The following ANKRD30B variants were observed in gnomAD, a reference collection of about 807,000 sequenced individuals.
ANKRD30B encodes ankyrin repeat domain 30B.
In ANKRD30B, 144 loss-of-function variants were observed where a neutral mutation model predicts 202.2. That is an observed-to-expected ratio of 0.71 (90% CI 0.62 to 0.82). ANKRD30B has a LOEUF of 0.82. Among genes scored for constraint, ANKRD30B ranks in the 40% least tolerant of loss-of-function variants. The probability of loss-of-function intolerance (pLI) is 0.00; values close to 1 mark genes in which losing one functional copy is unlikely to be tolerated. For missense variants in ANKRD30B, 1,487 were observed against 1,669.1 expected, an observed-to-expected ratio of 0.89 and a Z score of 1.90; for synonymous variants, 508 against 561.3, an observed-to-expected ratio of 0.91 and a Z score of 1.34.
At chr18:14,810,242 A>G in intron 28 of ANKRD30B, 62 bp downstream of exon 28, 2 of 1,049,424 alleles carry the variant, frequency 1.9e-6, no homozygotes, top group Non-Finnish European at 2.7e-6. Context: ...TGAAATGCTG[A>G]GAGCCTTTTA....
intron 9 of ANKRD30B, among the ~76,000 whole-genome samples, chr18:14,774,597 C>G (rs1967232566): frequency 6.6e-6 from 1 of 151,986 alleles, no homozygotes; most frequent in South Asian, 2.1e-4. Flanking sequence ...TAGCTTTTTG[C>G]CGTTCAGAAT....
chr18:14,799,237 G>C lies in ANKRD30B; in HGVS notation c.2073G>C (p.Arg691Ser), dbSNP rs1478541719. 6.4e-7 allele frequency: 1 copy of C among 1,566,010 alleles called. No homozygotes were observed. Among genetic ancestry groups the C allele is most frequent in the Non-Finnish European group, 8.6e-7 (1 of 1,157,700 alleles). ...NDGLLKPTCGRKVSLPNKALE... is the reference protein window; with the variant it reads ...NDGLLKPTCGSKVSLPNKALE... ...AACCCATTTAGCCTACCTGTGGAAG[G>C]AAAGTTTCTCTTCCAAATAAAGCTT... is the stretch of plus-strand genomic sequence containing the variant. Residue 691 changes from arginine to serine, a missense_variant, in exon 22 of 44, where the codon AGG becomes AGC. Transcript: ENST00000690538.
chr18:14,831,632 GT>G, intron 34 of ANKRD30B, among the ~76,000 whole-genome samples, 177 bp downstream of exon 34: 1 of 148,770 alleles, frequency 6.7e-6, no homozygotes, highest in East Asian at 2.0e-4. Flanking sequence ...TTTTTTTTTT[GT>G]TTTTTTGTTT....
chr18:14,752,382 C>G (rs1395319036), intron 1 of ANKRD30B, among the ~76,000 whole-genome samples, 184 bp from the exon 2 acceptor site: 3 of 152,102 alleles, frequency 2.0e-5, no homozygotes, highest in Non-Finnish European at 4.4e-5. Flanking sequence ...TTCAAACAGG[C>G]CACTCTTTCA....
At chr18:14,847,093 T>TATATATATAG (rs1292553217) in intron 39 of ANKRD30B, among the ~76,000 whole-genome samples, 6 of 131,414 alleles carry the variant, frequency 4.6e-5, no homozygotes, top group African/African-American at 1.4e-4. Context: ...TATATATATA[T>TATATATATAG]GTATAATGTT....
At chr18:14,866,965 C>G in the ANKRD30B span, among the ~76,000 whole-genome samples, 1 of 55,028 alleles carries the variant, frequency 1.8e-5, no homozygotes, top group Non-Finnish European at 3.9e-5. Flanking sequence ...ACAATGCCAA[C>G]TGGCAGGCAG....
the ANKRD30B span, among the ~76,000 whole-genome samples, chr18:14,902,428 C>A: frequency 6.6e-6 from 1 of 152,136 alleles, no homozygotes; most frequent in South Asian, 2.1e-4. Flanking sequence ...TCTTAAGAGG[C>A]TTTTAAAGAT....
intron 15 of ANKRD30B, among the ~76,000 whole-genome samples, chr18:14,790,386 T>A (rs1968402918): frequency 6.6e-6 from 1 of 152,180 alleles, no homozygotes; most frequent in Non-Finnish European, 1.5e-5. Flanking sequence ...TTTATTTCCT[T>A]CTCCTGCCTA....
intron 7 of ANKRD30B, among the ~76,000 whole-genome samples, chr18:14,765,117 T>C (rs1337347821): frequency 6.6e-6 from 1 of 152,046 alleles, no homozygotes; most frequent in Non-Finnish European, 1.5e-5. Context: ...ATTCTGGTCG[T>C]GGTATAAGGC....
chr18:14,787,746 T>C (rs1250084752), intron 15 of ANKRD30B, among the ~76,000 whole-genome samples: 2 of 152,154 alleles, frequency 1.3e-5, no homozygotes, highest in African/African-American at 4.8e-5. Context: ...AGCATGAGCG[T>C]GAAATAATAG....
At chr18:14,892,469 T>C in the ANKRD30B span, among the ~76,000 whole-genome samples, 1 of 152,156 alleles carries the variant, frequency 6.6e-6, no homozygotes, top group Non-Finnish European at 1.5e-5. Flanking sequence ...CTGGATGTGG[T>C]AGCTCACACC....
chr18:14,849,640 A>AC (rs1971801472), intron 40 of ANKRD30B, among the ~76,000 whole-genome samples: 1 of 151,696 alleles, frequency 6.6e-6, no homozygotes, highest in African/African-American at 2.4e-5. Context: ...ATTTGTTGAA[A>AC]AATATATAAT....
chr18:14,777,573 G>A (rs1967441474), intron 9 of ANKRD30B, among the ~76,000 whole-genome samples: 1 of 151,732 alleles, frequency 6.6e-6, no homozygotes, highest in Admixed American at 6.6e-5. Context: ...TAGAATTACT[G>A]GCATGAACCA....
At chr18:14,828,839 C>A (rs1970779009) in intron 33 of ANKRD30B, among the ~76,000 whole-genome samples, 2 of 152,122 alleles carry the variant, frequency 1.3e-5, no homozygotes, top group Admixed American at 1.3e-4. Flanking sequence ...TAGCTGTGGC[C>A]ACAAGACATA....
At chr18:14,771,618 G>A (rs1796088104) in intron 8 of ANKRD30B, among the ~76,000 whole-genome samples, 2 of 152,252 alleles carry the variant, frequency 1.3e-5, no homozygotes, top group Non-Finnish European at 1.5e-5. Context: ...CAGGGTGAAG[G>A]GAAGCAACAG....
chr18:14,777,921 A>G, intron 9 of ANKRD30B, 64 bp from the exon 10 acceptor site: 120 of 1,063,160 alleles, frequency 1.1e-4, no homozygotes, highest in Non-Finnish European at 1.6e-4. Flanking sequence ...ACCCTGTGAG[A>G]CTTCATCTCA....
At chr18:14,870,893 C>T in the ANKRD30B span, among the ~76,000 whole-genome samples, 1 of 152,034 alleles carries the variant, frequency 6.6e-6, no homozygotes, top group African/African-American at 2.4e-5. Context: ...AAACCTGCAG[C>T]CAGGCCATGT....
intron 24 of ANKRD30B, among the ~76,000 whole-genome samples, chr18:14,804,842 G>C (rs1271925370): frequency 6.6e-6 from 1 of 150,926 alleles, no homozygotes; most frequent in Non-Finnish European, 1.5e-5. Flanking sequence ...AAAGAAGAGA[G>C]ATTATGAGGC....
Position 14,763,919 on chromosome 18 carries a change from T to C in ANKRD30B, c.1054T>C (p.Trp352Arg). 6.2e-7 allele frequency: 1 copy of C among 1,610,958 alleles called. No homozygotes were observed. Among genetic ancestry groups the C allele is most frequent in the African/African-American group, 1.3e-5 (1 of 74,830 alleles). The change falls in exon 7 of 44, where the codon TGG (tryptophan) becomes CGG (arginine). Residue 352 changes from tryptophan (W) to arginine (R), a missense_variant. Coordinates refer to ENST00000690538, the MANE Select transcript of ANKRD30B (RefSeq NM_001367607.2). ...PTKETSEKFS[W>R]PAKERSRKIT... is the part of the protein sequence containing the mutation. ...AAAAGAAACATCTGAGAAATTTTCATGGCCAGCAAAAGAAAGATCTAGGAA... is the reference window on the plus strand; with the variant it reads ...AAAAGAAACATCTGAGAAATTTTCACGGCCAGCAAAAGAAAGATCTAGGAA...
Sources: gnomAD v4.1 joint callset for allele counts (sites outside exome capture counted in the v4.1 genomes callset) on GRCh38, gnomAD v4.1.1 for gene constraint, MANE v1.5 for transcripts, NCBI Gene and HGNC (gene_info 2026-07-23, HGNC 2026-07-21) for gene names.